FXYD5: variants seen among roughly 807,000 people sequenced by gnomAD.
FXYD5 encodes the protein FXYD domain containing ion transport regulator 5.
In FXYD5, 21 loss-of-function variants were observed where a neutral mutation model predicts 25.7. The observed-to-expected ratio is 0.82, with a 90% confidence interval of 0.58 to 1.18. The LOEUF (loss-of-function observed/expected upper bound fraction) is 1.18, where lower values mean the gene tolerates loss of function less well. Ranked by LOEUF, FXYD5 falls within the 50% of genes most tolerant of loss-of-function variation. The pLI is 0.00. For synonymous variants in FXYD5, 101 were observed against 90.7 expected (o/e 1.11, Z -0.64); for missense variants, 229 against 227.7 (o/e 1.01, Z -0.04).
chr19:35,167,815 A>G (rs2065464144), intron 8 of FXYD5, among the ~76,000 whole-genome samples: 1 of 152,146 alleles, frequency 6.6e-6, no homozygotes, highest in South Asian at 2.1e-4. Flanking sequence ...TACAACATGT[A>G]TGTGTTGATC....
intron 7 of FXYD5, 26 bp from the exon 8 acceptor site, chr19:35,166,225 C>G (rs1185361370): frequency 6.2e-7 from 1 of 1,610,358 alleles, no homozygotes; most frequent in African/African-American, 1.3e-5. Context: ...CCGTCTGACT[C>G]TACCCCTTCA....
intron 3 of FXYD5, among the ~76,000 whole-genome samples, chr19:35,157,882 A>G (rs2065371402): frequency 6.6e-6 from 1 of 152,166 alleles, no homozygotes; most frequent in African/African-American, 2.4e-5. Flanking sequence ...TGAGCTGGCC[A>G]CTGTGGCCAC....
chr19:35,158,990 C>T (rs1344931676), intron 4 of FXYD5, among the ~76,000 whole-genome samples: 1 of 151,922 alleles, frequency 6.6e-6, no homozygotes, highest in Non-Finnish European at 1.5e-5. Flanking sequence ...TAGCCGAGTG[C>T]GTTGGCGTGC....
chr19:35,155,350 G>A, intron 1 of FXYD5: 1 of 591,822 alleles, frequency 1.7e-6, no homozygotes, highest in Non-Finnish European at 3.0e-6. Context: ...ACCTGCAGGG[G>A]AAGGAAGCAG....
chr19:35,169,672 C>A lies in FXYD5; in HGVS notation c.*57C>A. The A allele has an allele frequency of 8.7e-7, 1 of 1,146,634 alleles. No individual in the cohort carries two copies. The highest frequency in any genetic ancestry group is 1.3e-6 in the Non-Finnish European group (1 of 755,374). The allele number at this position is 1,146,634 out of a possible 1,614,324, so 71.0% of individuals were successfully genotyped here. On this transcript the variant is annotated 3_prime_UTR_variant, in exon 9 of 9. Coordinates refer to ENST00000392219, the MANE Select transcript of FXYD5 (RefSeq NM_014164.6). ...GGGCACCCGAAGACCAAGCCCCCTG[C>A]CAGCTCACCGTGCCCAGCCTCCTGC... is the stretch of plus-strand genomic sequence containing the variant.
intron 1 of FXYD5, chr19:35,155,343 T>C (rs943554436): frequency 1.7e-5 from 10 of 590,962 alleles, no homozygotes; most frequent in Non-Finnish European, 2.4e-5. Context: ...TTTGGGGACC[T>C]GCAGGGGAAG....
At chr19:35,155,356 A>AGCAG (rs1309649302) in intron 1 of FXYD5, 195 bp from the exon 2 acceptor site, 9 of 595,132 alleles carry the variant, frequency 1.5e-5, no homozygotes, top group Non-Finnish European at 1.8e-5. Flanking sequence ...AGGGGAAGGA[A>AGCAG]GCAGGGTGAC....
chr19:35,156,726 A>G (rs1440820207), intron 2 of FXYD5: 1 of 152,694 alleles, frequency 6.5e-6, no homozygotes, highest in African/African-American at 2.4e-5. Context: ...ATGGAGGAGG[A>G]CTTACGGGCC....
chr19:35,167,103 G>A (rs1329845756), intron 8 of FXYD5, among the ~76,000 whole-genome samples: 3 of 152,316 alleles, frequency 2.0e-5, no homozygotes, highest in Admixed American at 2.0e-4. Context: ...AAATCTTTTG[G>A]TACTCAAATG....
rs2065375448 is a variant in FXYD5 at position 35,158,350 on chromosome 19, T to A, written c.149T>A (p.Val50Asp). Reference protein sequence around the residue: ...IQVPTRAPDAVYTELQPTSPT... With the variant: ...IQVPTRAPDADYTELQPTSPT... ...CCTTGTTTCTGGACTCCAGATGCAG[T>A]CTACACAGAACTCCAGCCCACCTCT... The change falls in exon 4 of 9, where the codon GTC (valine) becomes GAC (aspartate). Residue 50 changes from valine to aspartate, a missense_variant. Val to Asp is a radical substitution (Grantham distance 152). Transcript: ENST00000392219. 1.2e-6 allele frequency: 2 copies of A among 1,605,750 alleles called. No individual in the cohort carries two copies. The highest frequency in any genetic ancestry group is 2.7e-5 in the African/African-American group (2 of 74,728).
rs1267500596 is a variant in FXYD5 at position 35,160,758 on chromosome 19, G to A, written c.249G>A (p.Gly83=). Reference sequence around the variant, plus strand: ...CCCAGCAACTGGAAGGAACGGATGGGCCTCTAGTGACAGATCCAGAGACAC... The same window carrying A: ...CCCAGCAACTGGAAGGAACGGATGGACCTCTAGTGACAGATCCAGAGACAC... The part of the protein sequence containing the change: ...TQTQQLEGTD[G]PLVTDPETHK... Residue 83 remains glycine (G), a synonymous_variant, in exon 5 of 9, where the codon GGG becomes GGA. Transcript: ENST00000392219. 1 of 1,613,746 alleles carries A rather than the reference G, an allele frequency of 6.2e-7. No homozygotes were observed.
At chr19:35,164,378 G>A (rs999490366) in intron 6 of FXYD5, 133 bp downstream of exon 6, 41 of 824,676 alleles carry the variant, frequency 5.0e-5, no homozygotes, top group Non-Finnish European at 7.5e-5. Context: ...CTTCAAGCCA[G>A]GCAGAGGGTG....
chr19:35,164,693 G>A (rs902639724), intron 6 of FXYD5, among the ~76,000 whole-genome samples: 10 of 152,056 alleles, frequency 6.6e-5, no homozygotes, highest in African/African-American at 1.9e-4. Flanking sequence ...GAAATGATAC[G>A]CCCATGGGTC....
Sources: allele counts gnomAD v4.1 joint callset (sites outside exome capture counted in the v4.1 genomes callset), GRCh38; gene constraint gnomAD v4.1.1; transcripts MANE v1.5; gene names NCBI Gene and HGNC (gene_info 2026-07-23, HGNC 2026-07-21).